Variants in TBC1D16 observed in about 807,000 individuals in gnomAD.
The protein encoded by TBC1D16 is CTD-2529O21.1.
Under a neutral mutation model 74.7 loss-of-function variants are expected in TBC1D16, and 58 were observed. The observed-to-expected ratio is 0.78, with a 90% CI of 0.63 to 0.97. The LOEUF is 0.97. TBC1D16 is among the 50% of genes least tolerant of loss of function. The pLI, the probability that TBC1D16 is intolerant of heterozygous loss-of-function variation, is 0.00. For missense variants in TBC1D16, 1,014 were observed against 1,079.5 expected (o/e 0.94, Z 0.85); for synonymous variants, 493 against 474.7 (o/e 1.04, Z -0.50).
chr17:79,941,051 G>T lies in TBC1D16; in HGVS notation c.2112C>A (p.His704Gln). ...RLLPRIPCSL[H>Q]DLCKLCGSGM... is the part of the protein sequence containing the mutation. ...CTGACCCGCACAGCTTACACAGATC[G>T]TGCAGGCTGCAGGGGATCCGGGGCA... Residue 704 changes from histidine (H) to glutamine (Q), a missense_variant, in exon 12 of 12, where the codon CAC (histidine) becomes CAA (glutamine). His to Gln is a conservative substitution (Grantham distance 24). Coordinates refer to ENST00000310924, the MANE Select transcript of TBC1D16 (RefSeq NM_019020.4). This position sits in a 1 kb window ranked among gnomAD's most constrained non-coding sequence, Gnocchi z 4.3. 1 of 1,601,898 alleles carries T rather than the reference G, an allele frequency of 6.2e-7. No individual in the cohort carries two copies. Among genetic ancestry groups the T allele is most frequent in the Non-Finnish European group, 8.5e-7 (1 of 1,174,604 alleles).
chr17:80,020,355 G>A (rs1291293244), intron 1 of TBC1D16, among the ~76,000 whole-genome samples: 9 of 149,774 alleles, frequency 6.0e-5, no homozygotes, highest in South Asian at 2.1e-4. Flanking sequence ...AGACTGAGGC[G>A]GGCGGATCAC....
intron 3 of TBC1D16, among the ~76,000 whole-genome samples, chr17:80,004,591 C>T (rs2035607180): frequency 6.6e-6 from 1 of 152,220 alleles, no homozygotes; most frequent in African/African-American, 2.4e-5. Flanking sequence ...ACCTCCTCTG[C>T]CGTTGGATTC....
At chr17:79,984,617 G>GAAGGAAGGA (rs1225371423) in intron 3 of TBC1D16, among the ~76,000 whole-genome samples, 73 of 92,270 alleles carry the variant, frequency 7.9e-4, no homozygotes, top group Admixed American at 1.5e-3. Flanking sequence ...GGGAGGGAGG[G>GAAGGAAGGA]AGTGAAGGAA....
In TBC1D16 at chr17:79,954,736, T is replaced by C. The variant is rs2033254899; in HGVS notation, c.780-1918A>G. The stretch of plus-strand genomic sequence containing the variant: ...GCGGGGCTGCTGTGACTGTGAGAGC[T>C]GCTGCCCCGTGTGCTGCCTGCTGGC... On this transcript the variant is annotated intron_variant, in intron 3 of 11. Coordinates refer to ENST00000310924, the MANE Select transcript of TBC1D16 (RefSeq NM_019020.4). The surrounding 1 kb of genome is among the most constrained non-coding windows in gnomAD (Gnocchi z 5.5). Among the ~76,000 whole-genome samples the C allele has an allele frequency of 6.6e-6, 1 of 152,136 alleles. No individual in the cohort carries two copies.
chr17:79,950,460 T>C lies in TBC1D16; in HGVS notation c.1208A>G (p.Asn403Ser). 1.2e-5 allele frequency: 20 copies of C among 1,612,982 alleles called. No homozygotes were observed. The highest frequency in any genetic ancestry group is 4.4e-5 in the South Asian group (4 of 90,906). ...YKRLGVSAWL[N>S]HLNELGQVEE... ...CACCTGGCCCAGCTCATTCAGGTGG[T>C]TGAGCCAGGCGGAGACGCCGAGCCT... is the stretch of plus-strand genomic sequence containing the variant. Residue 403 changes from asparagine (N) to serine (S), a missense_variant, in exon 6 of 12, where the codon AAC (asparagine) becomes AGC (serine). Coordinates refer to ENST00000310924, the MANE Select transcript of TBC1D16 (RefSeq NM_019020.4). This position sits in a 1 kb window ranked among gnomAD's most constrained non-coding sequence, Gnocchi z 4.6.
At chr17:80,029,513 G>C (rs1342969034) in intron 1 of TBC1D16, among the ~76,000 whole-genome samples, 1 of 152,078 alleles carries the variant, frequency 6.6e-6, no homozygotes, top group Non-Finnish European at 1.5e-5. Flanking sequence ...AGTGGGGGTG[G>C]GTCTTCTCTA....
At position 79,993,845 on chromosome 17, in the gene TBC1D16, G is replaced by C. The variant is rs2035167636; in HGVS notation, c.779+16315C>G. Among the ~76,000 whole-genome samples, 1 of 151,926 alleles carries C rather than the reference G, an allele frequency of 6.6e-6. No individual in the cohort carries two copies. Among genetic ancestry groups the C allele is most frequent in the Non-Finnish European group, 1.5e-5 (1 of 67,962 alleles). ...TCCCAAGGGCAGCTCTGTGTATTCAGAGCAGCTCAGCCCCTCGAGAGCACC... is the reference window on the plus strand; with the variant it reads ...TCCCAAGGGCAGCTCTGTGTATTCACAGCAGCTCAGCCCCTCGAGAGCACC... On this transcript the variant is annotated intron_variant, in intron 3 of 11. Transcript: ENST00000310924. The surrounding 1 kb of genome is among the most constrained non-coding windows in gnomAD (Gnocchi z 5.1).
Position 79,991,271 on chromosome 17 carries a change from TC to T in TBC1D16, c.779+18888del, listed in dbSNP as rs534922790. Among the ~76,000 whole-genome samples the T allele has an allele frequency of 2.1e-3, 317 of 152,250 alleles. 4 individuals carry two copies. The highest frequency in any genetic ancestry group is 4.9e-3 in the Admixed American group (75 of 15,294). On this transcript the variant is annotated intron_variant, in intron 3 of 11. Coordinates refer to ENST00000310924, the MANE Select transcript of TBC1D16 (RefSeq NM_019020.4). ...AGGCTGCATCTGGCTGTGTCAGGCC[TC>T]CCACCCATCCCATCAGCCAGGCATC...
At chr17:79,974,956 C>T (rs1323728688) in intron 3 of TBC1D16, among the ~76,000 whole-genome samples, 2 of 152,350 alleles carry the variant, frequency 1.3e-5, no homozygotes, top group Non-Finnish European at 1.5e-5. Context: ...GATTTGGCCT[C>T]GGTTTTTGCC....
At chr17:79,955,332 G>A (rs577057084) in intron 3 of TBC1D16, among the ~76,000 whole-genome samples, 3 of 152,258 alleles carry the variant, frequency 2.0e-5, no homozygotes, top group Non-Finnish European at 4.4e-5. Flanking sequence ...GGCTGCTGTG[G>A]GGTGGGGGTT....
chr17:80,031,235 C>T (rs1351924530), intron 1 of TBC1D16, among the ~76,000 whole-genome samples: 2 of 152,168 alleles, frequency 1.3e-5, no homozygotes, highest in African/African-American at 4.8e-5. Context: ...CCTGCGGGGC[C>T]GCCGTGATTT....
chr17:79,958,670 GA>G (rs2143856602), intron 3 of TBC1D16, among the ~76,000 whole-genome samples: 1 of 152,330 alleles, frequency 6.6e-6, no homozygotes, highest in African/African-American at 2.4e-5. Context: ...CACAGATGCA[GA>G]AAAGCATTCG....
chr17:79,975,924 C>T lies in TBC1D16; in HGVS notation c.780-23106G>A, dbSNP rs534934994. Among the ~76,000 whole-genome samples, 2 of 152,278 alleles carry T rather than the reference C, an allele frequency of 1.3e-5. No homozygotes were observed. The highest frequency in any genetic ancestry group is 3.9e-4 in the East Asian group (2 of 5,180). Reference sequence around the variant, plus strand: ...GGCTCTCCAGGCCACGAGATGGGCACAGACCTTCCTGCACCCTCACAGCTT... The same window carrying T: ...GGCTCTCCAGGCCACGAGATGGGCATAGACCTTCCTGCACCCTCACAGCTT... On this transcript the variant is annotated intron_variant, in intron 3 of 11. Transcript: ENST00000310924. This position sits in a 1 kb window ranked among gnomAD's most constrained non-coding sequence, Gnocchi z 4.5.
rs2036823388 is a variant in TBC1D16 at position 80,032,909 on chromosome 17, C to T, written c.-63+2886G>A. On this transcript the variant is annotated intron_variant, in intron 1 of 11. Coordinates refer to ENST00000310924, the MANE Select transcript of TBC1D16 (RefSeq NM_019020.4). ...TCCCTCAGCCAGGGAAGAAGGGGAG[C>T]TAAAATTTTCACAGGAGGTGGTGTT... is the stretch of plus-strand genomic sequence containing the variant. 1.3e-5 allele frequency among the ~76,000 whole-genome samples: 2 copies of T among 152,156 alleles called. 1 individual carries two copies. Among genetic ancestry groups the T allele is most frequent in the South Asian group, 4.1e-4 (2 of 4,824 alleles).
Position 80,015,829 on chromosome 17 carries a change from A to G in TBC1D16, c.-62-2220T>C, listed in dbSNP as rs374772043. On this transcript the variant is annotated intron_variant, in intron 1 of 11. Coordinates refer to ENST00000310924, the MANE Select transcript of TBC1D16 (RefSeq NM_019020.4). Reference sequence around the variant, plus strand: ...AGTTCGAGATCAGCCTGGTCAACATAGCAAAACCCCGCCTCTACTAAAAAT... The same window carrying G: ...AGTTCGAGATCAGCCTGGTCAACATGGCAAAACCCCGCCTCTACTAAAAAT... Among the ~76,000 whole-genome samples the G allele has an allele frequency of 8.3e-4, 126 of 152,030 alleles. 1 individual carries two copies. The highest frequency in any genetic ancestry group is 3.4e-3 in the Middle Eastern group (1 of 294).
intron 1 of TBC1D16, among the ~76,000 whole-genome samples, chr17:80,024,578 A>AC (rs2036460734): frequency 3.8e-5 from 1 of 26,190 alleles, no homozygotes; most frequent in Non-Finnish European, 7.1e-5. Context: ...CACCATAGGC[A>AC]CACACACCAC....
chr17:79,951,062 A>G (rs1379632986), intron 5 of TBC1D16, among the ~76,000 whole-genome samples: 1 of 152,230 alleles, frequency 6.6e-6, no homozygotes, highest in Non-Finnish European at 1.5e-5. Context: ...AAAAAAAGCC[A>G]TGCTACTGTA....
At chr17:79,976,033 C>G (rs2034316459) in intron 3 of TBC1D16, among the ~76,000 whole-genome samples, 1 of 152,242 alleles carries the variant, frequency 6.6e-6, no homozygotes, top group Non-Finnish European at 1.5e-5. Flanking sequence ...CAAGTTCTCT[C>G]TTGTCCCCGC....
intron 3 of TBC1D16, among the ~76,000 whole-genome samples, chr17:79,967,382 C>T (rs1310598135): frequency 6.6e-6 from 1 of 152,144 alleles, no homozygotes; most frequent in East Asian, 1.9e-4. Flanking sequence ...TAGGAATCTA[C>T]ACACATACAC....
Sources: allele counts gnomAD v4.1 joint callset (sites outside exome capture counted in the v4.1 genomes callset), GRCh38; gene constraint gnomAD v4.1.1; non-coding constraint Gnocchi (gnomAD v3.1); transcripts MANE v1.5; gene names NCBI Gene and HGNC (gene_info 2026-07-23, HGNC 2026-07-21).